ADNP2: variants seen among roughly 807,000 people sequenced by gnomAD.
The protein encoded by ADNP2 is activity-dependent neuroprotector homeobox protein 2.
Under a neutral mutation model 16.4 loss-of-function variants are expected in ADNP2, and 8 were observed. The ratio of observed to expected loss-of-function variants is 0.49; its 90% CI spans 0.29 to 0.88. ADNP2 has a LOEUF of 0.88. Among genes scored for constraint, ADNP2 ranks in the 40% least tolerant of loss-of-function variants. The pLI, the probability that ADNP2 is intolerant of heterozygous loss-of-function variation, is 0.09. For missense variants in ADNP2, 1,397 were observed against 1,395.1 expected, an observed-to-expected ratio of 1.00 and a Z score of -0.02; for synonymous variants, 637 against 545.8, an observed-to-expected ratio of 1.17 and a Z score of -2.33.
rs746159856 is a variant in ADNP2, at chr18:80,136,547, C to A, written c.1134C>A (p.Val378=). The A allele has an allele frequency of 6.2e-7, 1 of 1,614,232 alleles. No homozygotes were observed. Among genetic ancestry groups the A allele is most frequent in the Non-Finnish European group, 8.5e-7 (1 of 1,180,044 alleles). ...NPPVLPLSQP[V]GPVNKSVGTS... ...CTGTGTTGCCCTTGAGTCAGCCAGT[C>A]GGACCTGTCAATAAGTCTGTTGGAA... The change falls in exon 4 of 4, where the codon GTC becomes GTA. Residue 378 remains valine, a synonymous_variant. Coordinates refer to ENST00000262198, the MANE Select transcript of ADNP2 (RefSeq NM_014913.4).
chr18:80,118,774 G>A (rs1274501914), intron 2 of ADNP2, among the ~76,000 whole-genome samples: 1 of 152,058 alleles, frequency 6.6e-6, no homozygotes. Flanking sequence ...AGTTCTTCAC[G>A]GCTGTTTACT....
intron 1 of ADNP2, among the ~76,000 whole-genome samples, chr18:80,112,949 G>A (rs1158864456): frequency 6.6e-6 from 1 of 152,166 alleles, no homozygotes; most frequent in African/African-American, 2.4e-5. Flanking sequence ...GAACCCCAGA[G>A]GATAGAGAGG....
rs772718579 is a variant in ADNP2 at position 80,137,821 on chromosome 18, A to G, written c.2408A>G (p.Tyr803Cys). The change falls in exon 4 of 4, where the codon TAT becomes TGT. Residue 803 changes from tyrosine (Y) to cysteine (C), a missense_variant. Transcript: ENST00000262198. This position sits in a 1 kb window ranked among gnomAD's most constrained non-coding sequence, Gnocchi z 4.2. ...GGGAAGAAGAAGTTGCCTATGGATT[A>G]TAGCAACAGAGGTTTTCAATTAGAT... ...HLGKKKLPMD[Y>C]SNRGFQLDVD... The G allele has an allele frequency of 1.2e-6, 2 of 1,614,184 alleles. No homozygotes were observed. Among genetic ancestry groups the G allele is most frequent in the Non-Finnish European group, 1.7e-6 (2 of 1,180,034 alleles).
At chr18:80,123,818 C>A (rs2052440995) in intron 2 of ADNP2, among the ~76,000 whole-genome samples, 1 of 152,016 alleles carries the variant, frequency 6.6e-6, no homozygotes, top group Non-Finnish European at 1.5e-5. Flanking sequence ...CAACCTCCAC[C>A]TCCCAGGTTC....
intron 2 of ADNP2, among the ~76,000 whole-genome samples, chr18:80,132,690 C>T (rs2052505720): frequency 6.8e-6 from 1 of 147,234 alleles, no homozygotes; most frequent in Non-Finnish European, 1.5e-5. Flanking sequence ...CCTCTCTCCT[C>T]TCCCCTCCCC....
chr18:80,139,264 C>T lies in ADNP2; in HGVS notation c.*455C>T, dbSNP rs1464747916. 1 of 153,902 alleles carries T rather than the reference C, an allele frequency of 6.5e-6. No homozygotes were observed. The highest frequency in any genetic ancestry group is 1.4e-5 in the Non-Finnish European group (1 of 69,388). The allele number at this position is 153,902 out of a possible 1,614,324, so 9.5% of individuals were successfully genotyped here. On this transcript the variant is annotated 3_prime_UTR_variant, in exon 4 of 4. Coordinates refer to ENST00000262198, the MANE Select transcript of ADNP2 (RefSeq NM_014913.4). ...AGATGGTACAGTGAGTGTTCAGAGA[C>T]GTGGGTACAAACCCTGTGATGTATG... is the stretch of plus-strand genomic sequence containing the variant.
intron 1 of ADNP2, among the ~76,000 whole-genome samples, chr18:80,115,092 G>A (rs1432055960): frequency 6.6e-6 from 1 of 152,170 alleles, no homozygotes; most frequent in African/African-American, 2.4e-5. Flanking sequence ...GCCACTTTTG[G>A]GAGGAGTGTT....
Position 80,137,571 on chromosome 18 carries a change from G to C in ADNP2, c.2158G>C (p.Glu720Gln), listed in dbSNP as rs756432927. The change falls in exon 4 of 4, where the codon GAG (glutamate) becomes CAG (glutamine). Residue 720 changes from glutamate to glutamine, a missense_variant. Transcript: ENST00000262198. The surrounding 1 kb of genome is among the most constrained non-coding windows in gnomAD (Gnocchi z 4.2). Reference sequence around the variant, plus strand: ...CATGGAGGTAGCGCATAAGCACAGCGAGTCCAAGTCTGGTGAGAAACTTGA... The same window carrying C: ...CATGGAGGTAGCGCATAAGCACAGCCAGTCCAAGTCTGGTGAGAAACTTGA... ...VHMEVAHKHS[E>Q]SKSGEKLEPE... The C allele has an allele frequency of 6.2e-7, 1 of 1,614,220 alleles. No individual in the cohort carries two copies. Among genetic ancestry groups the C allele is most frequent in the South Asian group, 1.1e-5 (1 of 91,084 alleles).
At chr18:80,126,602 CCAA>C (rs1382606672) in intron 2 of ADNP2, among the ~76,000 whole-genome samples, 1 of 152,074 alleles carries the variant, frequency 6.6e-6, no homozygotes, top group African/African-American at 2.4e-5. Flanking sequence ...GGCATTTTTT[CCAA>C]CAATATGTTT....
At chr18:80,125,165 A>G (rs1331227375) in intron 2 of ADNP2, among the ~76,000 whole-genome samples, 3 of 152,226 alleles carry the variant, frequency 2.0e-5, no homozygotes, top group Non-Finnish European at 4.4e-5. Flanking sequence ...CCTTTTGAGT[A>G]TCTGGACCCA....
chr18:80,125,700 A>G (rs928818316), intron 2 of ADNP2, among the ~76,000 whole-genome samples: 6 of 151,780 alleles, frequency 4.0e-5, no homozygotes, highest in Admixed American at 3.9e-4. Context: ...AGTGTCAGGT[A>G]CTCGGGAGGC....
At chr18:80,134,609 A>G (rs2052520253) in intron 3 of ADNP2, among the ~76,000 whole-genome samples, 1 of 152,110 alleles carries the variant, frequency 6.6e-6, no homozygotes, top group South Asian at 2.1e-4. Flanking sequence ...CATGAGACCA[A>G]AGATTTCACT....
chr18:80,133,849 G>A (rs1016194526), intron 3 of ADNP2: 1 of 147,686 alleles, frequency 6.8e-6, no homozygotes, highest in Admixed American at 6.8e-5. Context: ...TTTTTTTTTT[G>A]GGGGGACAGG....
chr18:80,110,691 C>G (rs2052351869), intron 1 of ADNP2, among the ~76,000 whole-genome samples: 1 of 152,114 alleles, frequency 6.6e-6, no homozygotes, highest in Non-Finnish European at 1.5e-5. Flanking sequence ...GAGAGTTGGC[C>G]ATGTATGAGT....
intron 1 of ADNP2, 108 bp from the exon 2 acceptor site, chr18:80,117,422 G>T: frequency 1.7e-6 from 1 of 598,214 alleles, no homozygotes; most frequent in Non-Finnish European, 2.7e-6. Flanking sequence ...ACAACAATTT[G>T]TTGAAAATTA....
rs552745470 is a variant in ADNP2 at position 80,127,543 on chromosome 18, C to T, written c.109-5560C>T. 1.8e-3 allele frequency among the ~76,000 whole-genome samples: 268 copies of T among 152,048 alleles called. 1 individual carries two copies. Among genetic ancestry groups the T allele is most frequent in the African/African-American group, 6.1e-3 (254 of 41,468 alleles). On this transcript the variant is annotated intron_variant, in intron 2 of 3. Coordinates refer to ENST00000262198, the MANE Select transcript of ADNP2 (RefSeq NM_014913.4). ...TCACTTTCTTTCACTTCTCTCGTTG[C>T]GTTCATGTTGTTCTCCTGGTTTGGG... is the stretch of plus-strand genomic sequence containing the variant.
chr18:80,121,633 C>T (rs1457492258), intron 2 of ADNP2, among the ~76,000 whole-genome samples: 2 of 152,126 alleles, frequency 1.3e-5, no homozygotes, highest in Non-Finnish European at 2.9e-5. Context: ...AAAATTTTCT[C>T]CTATGTTTTT....
intron 3 of ADNP2, among the ~76,000 whole-genome samples, chr18:80,135,079 A>G (rs551211877): frequency 6.6e-6 from 1 of 152,316 alleles, no homozygotes; most frequent in South Asian, 2.1e-4. Flanking sequence ...TGAAGCTTTT[A>G]AAATTGATGC....
chr18:80,137,290 T>A lies in ADNP2; in HGVS notation c.1877T>A (p.Val626Asp). 6.2e-7 allele frequency: 1 copy of A among 1,613,960 alleles called. No individual in the cohort carries two copies. The highest frequency in any genetic ancestry group is 8.5e-7 in the Non-Finnish European group (1 of 1,179,912). Residue 626 changes from valine (V) to aspartate (D), a missense_variant, in exon 4 of 4, where the codon GTT becomes GAT. Transcript: ENST00000262198. The surrounding 1 kb of genome is among the most constrained non-coding windows in gnomAD (Gnocchi z 4.2). Reference sequence around the variant, plus strand: ...GCCCCCGTGTCTGTCACTCTGCCGGTTCCCCCTGGAGGCCTTGCGACTGTC... The same window carrying A: ...GCCCCCGTGTCTGTCACTCTGCCGGATCCCCCTGGAGGCCTTGCGACTGTC... ...TLAPVSVTLP[V>D]PPGGLATVAP... is the part of the protein sequence containing the mutation.
Sources: allele counts gnomAD v4.1 joint callset (sites outside exome capture counted in the v4.1 genomes callset), GRCh38; gene constraint gnomAD v4.1.1; non-coding constraint Gnocchi (gnomAD v3.1); transcripts MANE v1.5; gene names NCBI Gene and HGNC (gene_info 2026-07-23, HGNC 2026-07-21).